The following DNASE1L1 variants were observed in gnomAD, a reference collection of about 807,000 sequenced individuals.
DNASE1L1 encodes deoxyribonuclease 1 like 1.
Under a neutral mutation model 18.6 loss-of-function variants are expected in DNASE1L1, and 8 were observed. The ratio of observed to expected loss-of-function variants is 0.43; its 90% CI spans 0.25 to 0.78. The LOEUF is 0.78. Ranked by LOEUF, DNASE1L1 falls within the 30% of genes least tolerant of loss-of-function variation. The pLI, the probability that DNASE1L1 is intolerant of heterozygous loss-of-function variation, is 0.23. For synonymous variants in DNASE1L1, 114 were observed against 114.2 expected, an observed-to-expected ratio of 1.00 and a Z score of 0.01; for missense variants, 214 against 258.2, an observed-to-expected ratio of 0.83 and a Z score of 1.17.
At chrX:154,410,592 G>T (rs1328918213), upstream of DNASE1L1, among the ~76,000 whole-genome samples, 1 of 110,435 alleles carries the variant, frequency 9.1e-6, no homozygotes, top group South Asian at 3.8e-4. Context: ...AAAAACTGCC[G>T]GGTGCGGTGG....
rs182885595 is a variant in DNASE1L1 at position 154,402,484 on chromosome X, A to G, written c.*223T>C. On this transcript the variant is annotated 3_prime_UTR_variant, in exon 8 of 8. Coordinates refer to ENST00000369807, the MANE Select transcript of DNASE1L1 (RefSeq NM_001303620.2). The stretch of plus-strand genomic sequence containing the variant: ...ACTTTGTCTCCACTCCTGATACTAC[A>G]CTACCTGGCAGGTGGCATGAGTGCA... 1,653 of 375,893 alleles carry G rather than the reference A, an allele frequency of 4.4e-3. 26 individuals carry two copies. Among genetic ancestry groups the G allele is most frequent in the Non-Finnish European group, 6.6e-3 (1,441 of 216,721 alleles). The allele number at this position is 375,893 out of a possible 1,213,427, so 31.0% of individuals were successfully genotyped here.
intron 3 of DNASE1L1, 24 bp downstream of exon 3, chrX:154,404,971 T>C: frequency 8.3e-7 from 1 of 1,206,863 alleles, no homozygotes; most frequent in South Asian, 1.8e-5. Context: ...GTGCCCCTGA[T>C]TAGACCCACA....
upstream of DNASE1L1, among the ~76,000 whole-genome samples, chrX:154,410,728 AATT>A (rs1557189980): frequency 9.3e-6 from 1 of 107,466 alleles, no homozygotes; most frequent in East Asian, 2.9e-4. Context: ...AAAAAAAAAA[AATT>A]AGCCGGGCGT....
At chrX:154,411,563 G>T, upstream of DNASE1L1, 1 of 388,915 alleles carries the variant, frequency 2.6e-6, no homozygotes. Flanking sequence ...GCACCGGGCC[G>T]GGGTGCCAGC....
intron 4 of DNASE1L1, among the ~76,000 whole-genome samples, chrX:154,404,311 C>T (rs1399482685): frequency 9.1e-6 from 1 of 110,469 alleles, no homozygotes; most frequent in Non-Finnish European, 1.9e-5. Context: ...AGCCACTGTA[C>T]CCTGCCTACC....
Position 154,405,589 on chromosome X carries a change from G to A in DNASE1L1, c.-21C>T. The A allele has an allele frequency of 1.8e-6, 2 of 1,124,392 alleles. No individual in the cohort carries two copies. Among genetic ancestry groups the A allele is most frequent in the Non-Finnish European group, 2.4e-6 (2 of 845,257 alleles). The allele number at this position is 1,124,392 out of a possible 1,213,427, so 92.7% of individuals were successfully genotyped here. On this transcript the variant is annotated 5_prime_UTR_variant, in exon 2 of 8. Coordinates refer to ENST00000369807, the MANE Select transcript of DNASE1L1 (RefSeq NM_001303620.2). ...TGCATGGCTGTGTGTGGCTGCCGGG[G>A]ACACCCCAGGAATCCAGGCTGCCCC...
At chrX:154,408,080 G>A (rs112001654) in intron 1 of DNASE1L1, among the ~76,000 whole-genome samples, 1 of 109,552 alleles carries the variant, frequency 9.1e-6, no homozygotes, top group South Asian at 3.9e-4. Flanking sequence ...TTACAGGCAC[G>A]TGCCACCACA....
intron 1 of DNASE1L1, among the ~76,000 whole-genome samples, chrX:154,406,827 C>T (rs956728852): frequency 2.3e-4 from 25 of 110,102 alleles, no homozygotes; most frequent in African/African-American, 6.9e-4. Flanking sequence ...ATCTCTTGAC[C>T]TCGTGATCTG....
intron 1 of DNASE1L1, 169 bp downstream of exon 1, chrX:154,408,943 G>T: frequency 4.3e-6 from 1 of 232,887 alleles, no homozygotes. Flanking sequence ...ACCCCCATGA[G>T]GGCTACCAGT....
upstream of DNASE1L1, among the ~76,000 whole-genome samples, chrX:154,410,393 A>G (rs1478068721): frequency 9.2e-6 from 1 of 109,156 alleles, no homozygotes; most frequent in Admixed American, 9.9e-5. Context: ...CCTCTACTAA[A>G]AATACAAAAA....
Position 154,403,119 on chromosome X carries a change from C to G in DNASE1L1, c.597G>C (p.Glu199Asp), listed in dbSNP as rs367625596. 16 of 1,210,366 alleles carry G rather than the reference C, an allele frequency of 1.3e-5. No individual in the cohort carries two copies. Among genetic ancestry groups the G allele is most frequent in the Non-Finnish European group, 1.8e-5 (16 of 895,320 alleles). The change falls in exon 7 of 8, where the codon GAG (glutamate) becomes GAC (aspartate). Residue 199 changes from glutamate to aspartate, a missense_variant. Coordinates refer to ENST00000369807, the MANE Select transcript of DNASE1L1 (RefSeq NM_001303620.2). ...SLTKKRLDKL[E>D]LRTEPGFHWV... ...AGTGGAAGCCTGGCTCAGTCCGCAG[C>G]TCCAGCTTGTCCAGGCGCTTTTTGG...
chrX:154,405,093 A>C lies in DNASE1L1; in HGVS notation c.136-10T>G, dbSNP rs782549401. ...CACAGCGAGCCAGTATCTGTGGGACATCAGGAAGGCCAGCCTGACTCAGTG... is the reference window on the plus strand; with the variant it reads ...CACAGCGAGCCAGTATCTGTGGGACCTCAGGAAGGCCAGCCTGACTCAGTG... On this transcript the variant is annotated splice_polypyrimidine_tract_variant and intron_variant, in intron 2 of 7. Transcript: ENST00000369807. The C allele has an allele frequency of 1.7e-6, 2 of 1,206,041 alleles. No homozygotes were observed. Among genetic ancestry groups the C allele is most frequent in the Non-Finnish European group, 2.2e-6 (2 of 892,397 alleles).
Position 154,401,281 on chromosome X carries a change from G to C in DNASE1L1, c.*1426C>G, listed in dbSNP as rs1343626144. ...AGCAGCGTTTATTTAGCAAGGGTAG[G>C]TGTGCATCACATTGGGCTTGTTCTC... On this transcript the variant is annotated 3_prime_UTR_variant, in exon 8 of 8. Coordinates refer to ENST00000369807, the MANE Select transcript of DNASE1L1 (RefSeq NM_001303620.2). The C allele has an allele frequency of 2.9e-5, 7 of 237,572 alleles. No individual in the cohort carries two copies. The highest frequency in any genetic ancestry group is 5.4e-5 in the Non-Finnish European group (7 of 128,815). 19.6% of individuals were successfully genotyped at this position (237,572 alleles called of 1,213,427 possible).
chrX:154,407,218 A>ATTTTTTTTTTTTT (rs782115573), intron 1 of DNASE1L1, among the ~76,000 whole-genome samples: 1 of 25,734 alleles, frequency 3.9e-5, no homozygotes, highest in Non-Finnish European at 7.7e-5. Context: ...AAGTGCTGGG[A>ATTTTTTTTTTTTT]TTTTTTTTTT....
upstream of DNASE1L1, chrX:154,409,929 T>C (rs1557189483): frequency 8.9e-6 from 1 of 112,405 alleles, no homozygotes; most frequent in Non-Finnish European, 1.9e-5. Flanking sequence ...AATAGAAGGC[T>C]GGACAAATTT....
At chrX:154,408,940 T>C (rs913593457) in intron 1 of DNASE1L1, 172 bp downstream of exon 1, 28 of 227,309 alleles carry the variant, frequency 1.2e-4, no homozygotes, top group Non-Finnish European at 2.4e-4. Flanking sequence ...GGGACCCCCA[T>C]GAGGGCTACC....
rs1557186149 is a variant in DNASE1L1, at chrX:154,401,254, CCAG to C, written c.*1450_*1452del. On this transcript the variant is annotated 3_prime_UTR_variant, in exon 8 of 8. Coordinates refer to ENST00000369807, the MANE Select transcript of DNASE1L1 (RefSeq NM_001303620.2). ...GAGGGGCTTGTGGGCTAGAGGCTGACCAGCAGCGTTTATTTAGCAAGGGTAGGT... is the reference window on the plus strand; with the variant it reads ...GAGGGGCTTGTGGGCTAGAGGCTGACCAGCGTTTATTTAGCAAGGGTAGGT... 6 of 253,825 alleles carry C rather than the reference CCAG, an allele frequency of 2.4e-5. No homozygotes were observed. The highest frequency in any genetic ancestry group is 3.6e-5 in the Non-Finnish European group (5 of 138,149). 20.9% of individuals were successfully genotyped at this position (253,825 alleles called of 1,213,427 possible).
At chrX:154,412,091 A>G, upstream of DNASE1L1, 1 of 1,210,435 alleles carries the variant, frequency 8.3e-7, no homozygotes, top group Non-Finnish European at 1.1e-6. Flanking sequence ...GCCAGAGTAC[A>G]TGAACCACCT....
intron 4 of DNASE1L1, 23 bp downstream of exon 4, chrX:154,404,805 T>C: frequency 8.3e-7 from 1 of 1,202,486 alleles, no homozygotes; most frequent in Non-Finnish European, 1.1e-6. Flanking sequence ...CCCACCCTGC[T>C]GCGCTGCCAG....
Sources: allele counts gnomAD v4.1 joint callset (sites outside exome capture counted in the v4.1 genomes callset), GRCh38; gene constraint gnomAD v4.1.1; transcripts MANE v1.5; gene names NCBI Gene and HGNC (gene_info 2026-07-23, HGNC 2026-07-21).